The following C12orf42 variants were observed in gnomAD, a reference collection of about 807,000 sequenced individuals.
The protein encoded by C12orf42 is uncharacterized protein C12orf42.
C12orf42 carries 25 observed loss-of-function variants against 21.6 expected under a neutral mutation model. The ratio of observed to expected loss-of-function variants is 1.16; its 90% CI spans 0.84 to 1.62. The LOEUF is 1.62. Ranked by LOEUF, C12orf42 falls within the 40% of genes most tolerant of loss-of-function variation. C12orf42 has a pLI of 0.00. For missense variants in C12orf42, 483 were observed against 459.3 expected (o/e 1.05, Z -0.47); for synonymous variants, 174 against 175.0 (o/e 0.99, Z 0.05).
the C12orf42 span, among the ~76,000 whole-genome samples, chr12:103,192,925 C>T: frequency 6.6e-6 from 1 of 152,182 alleles, no homozygotes; most frequent in Admixed American, 6.5e-5. Context: ...TTCCACTCAA[C>T]AGCAGAAAAT....
chr12:103,545,293 T>C, the C12orf42 span, among the ~76,000 whole-genome samples: 1 of 152,234 alleles, frequency 6.6e-6, no homozygotes, highest in Non-Finnish European at 1.5e-5. Flanking sequence ...TGTGAACAGT[T>C]GAAGCAGATG....
In C12orf42 at chr12:103,302,025, T is replaced by C; in HGVS notation, c.*83A>G. ...CTAACAATGGTTCTGTGGAAACCAG[T>C]ACATCTGAGGCCCTTTCTGTTGTTC... On this transcript the variant is annotated 3_prime_UTR_variant, in exon 6 of 6. Coordinates refer to ENST00000548883, the MANE Select transcript of C12orf42 (RefSeq NM_198521.5). The C allele has an allele frequency of 7.2e-7, 1 of 1,395,544 alleles. No individual in the cohort carries two copies. The highest frequency in any genetic ancestry group is 1.9e-4 in the Middle Eastern group (1 of 5,394). The allele number at this position is 1,395,544 out of a possible 1,614,324, so 86.4% of individuals were successfully genotyped here. A position where few individuals can be genotyped will look rare whatever the true frequency, so the allele number is the denominator to read the frequency against.
At chr12:103,317,633 T>C (rs958473049) in intron 4 of C12orf42, among the ~76,000 whole-genome samples, 1 of 152,172 alleles carries the variant, frequency 6.6e-6, no homozygotes, top group African/African-American at 2.4e-5. Context: ...TCCCCATCTA[T>C]AGAAAAATAA....
At chr12:103,293,293 A>T (rs534921779) in intron 4 of C12orf42, among the ~76,000 whole-genome samples, 11 of 150,376 alleles carry the variant, frequency 7.3e-5, no homozygotes, top group African/African-American at 2.8e-4. Context: ...AGATGGATTT[A>T]TTAAAAAACA....
rs535147354 is a variant in C12orf42 at position 103,452,276 on chromosome 12, G to A, written c.78+26073C>T. On this transcript the variant is annotated intron_variant, in intron 2 of 5. Coordinates refer to ENST00000548883, the MANE Select transcript of C12orf42 (RefSeq NM_198521.5). Reference sequence around the variant, plus strand: ...GTGTCAGGATTCCAAAAGCATGGAAGCATGAAAGAGCTCTGGAGGCACAGG... The same window carrying A: ...GTGTCAGGATTCCAAAAGCATGGAAACATGAAAGAGCTCTGGAGGCACAGG... Among the ~76,000 whole-genome samples the A allele has an allele frequency of 1.6e-4, 24 of 152,206 alleles. No individual in the cohort carries two copies. The South Asian group carries it at 3.3e-3, about 21-fold the overall frequency.
chr12:103,061,805 AT>A, the C12orf42 span, among the ~76,000 whole-genome samples: 6 of 150,976 alleles, frequency 4.0e-5, no homozygotes, highest in East Asian at 3.9e-4. Context: ...TTTTTACCTG[AT>A]TTTTTTTAAT....
chr12:103,281,260 C>G (rs1276883446), intron 4 of C12orf42, among the ~76,000 whole-genome samples: 1 of 152,206 alleles, frequency 6.6e-6, no homozygotes, highest in Non-Finnish European at 1.5e-5. Flanking sequence ...AGTGACTTTT[C>G]ACCTAACCCA....
chr12:103,509,048 A>G, the C12orf42 span, among the ~76,000 whole-genome samples: 3 of 152,186 alleles, frequency 2.0e-5, no homozygotes, highest in Non-Finnish European at 4.4e-5. Flanking sequence ...GATGTTAAGT[A>G]CCTTGCTCAA....
downstream of C12orf42, among the ~76,000 whole-genome samples, chr12:103,267,282 G>C (rs12581862): frequency 0.011 from 1,748 of 152,216 alleles, 96 homozygotes; most frequent in East Asian, 0.19. Context: ...TTGGCCTCAA[G>C]TTGCTGAGGG....
chr12:103,507,117 ATT>A, the C12orf42 span, among the ~76,000 whole-genome samples: 4 of 12,514 alleles, frequency 3.2e-4, no homozygotes, highest in African/African-American at 3.6e-3. Flanking sequence ...ATAAATATAT[ATT>A]TATATATAAT....
At chr12:103,149,443 T>C in the C12orf42 span, among the ~76,000 whole-genome samples, 1 of 152,230 alleles carries the variant, frequency 6.6e-6, no homozygotes, top group South Asian at 2.1e-4. Flanking sequence ...AATATAAGTA[T>C]GTCCCTTTGC....
intron 2 of C12orf42, among the ~76,000 whole-genome samples, chr12:103,448,216 G>A (rs1167803706): frequency 6.6e-6 from 1 of 151,948 alleles, no homozygotes; most frequent in East Asian, 1.9e-4. Context: ...TCAACAAATG[G>A]TGCTGGGATA....
the C12orf42 span, among the ~76,000 whole-genome samples, chr12:103,089,571 A>T: frequency 4.6e-5 from 7 of 151,854 alleles, no homozygotes; most frequent in African/African-American, 1.7e-4. Flanking sequence ...GATGCTTCAC[A>T]TGAGGTGGGT....
At chr12:103,336,365 T>C (rs1039123947) in intron 4 of C12orf42, among the ~76,000 whole-genome samples, 1 of 152,214 alleles carries the variant, frequency 6.6e-6, no homozygotes, top group African/African-American at 2.4e-5. Flanking sequence ...GTCAGAAAAC[T>C]GAGGGGCAAT....
At chr12:103,542,047 C>T in the C12orf42 span, among the ~76,000 whole-genome samples, 1 of 152,254 alleles carries the variant, frequency 6.6e-6, no homozygotes, top group South Asian at 2.1e-4. Context: ...ATGAGACTAA[C>T]AAAAAATTGA....
chr12:103,332,082 A>T (rs1416231962), intron 4 of C12orf42, among the ~76,000 whole-genome samples: 2 of 152,164 alleles, frequency 1.3e-5, no homozygotes, highest in Admixed American at 1.3e-4. Flanking sequence ...AGCAAAGGGA[A>T]GTATAAAGAA....
At chr12:103,489,439 T>A (rs1485447170) in intron 1 of C12orf42, among the ~76,000 whole-genome samples, 10 of 152,204 alleles carry the variant, frequency 6.6e-5, no homozygotes, top group Non-Finnish European at 2.9e-5. Flanking sequence ...GTCTGTCTGT[T>A]CTCAGAGCTC....
At chr12:103,461,878 T>C (rs924905206) in intron 2 of C12orf42, among the ~76,000 whole-genome samples, 5 of 151,942 alleles carry the variant, frequency 3.3e-5, no homozygotes, top group Admixed American at 6.6e-5. Flanking sequence ...AGAAGAAAAA[T>C]ATTTAGAAAA....
At chr12:103,279,840 C>G (rs986610695) in intron 4 of C12orf42, among the ~76,000 whole-genome samples, 4 of 152,200 alleles carry the variant, frequency 2.6e-5, no homozygotes, top group Non-Finnish European at 4.4e-5. Flanking sequence ...AGCAGGTAAC[C>G]CAGACATAAG....
Sources: gnomAD v4.1 joint callset for allele counts (sites outside exome capture counted in the v4.1 genomes callset) on GRCh38, gnomAD v4.1.1 for gene constraint, MANE v1.5 for transcripts, NCBI Gene and HGNC (gene_info 2026-07-23, HGNC 2026-07-21) for gene names.